Variants in PAXBP1 observed in about 807,000 individuals in gnomAD.
PAXBP1 encodes the protein PAX3 and PAX7 binding protein 1.
A neutral mutation model predicts 119.9 loss-of-function variants in PAXBP1; 44 were observed. The ratio of observed to expected loss-of-function variants is 0.37; its 90% CI spans 0.29 to 0.47. The LOEUF (loss-of-function observed/expected upper bound fraction) is 0.47. PAXBP1 is among the 20% of genes least tolerant of loss of function. PAXBP1 has a pLI of 0.99. For synonymous variants in PAXBP1, 393 were observed against 406.6 expected (o/e 0.97, Z 0.40); for missense variants, 898 against 1,134.1 (o/e 0.79, Z 2.99).
intron 17 of PAXBP1, 44 bp from the exon 18 acceptor site, chr21:32,735,111 T>A: frequency 1.5e-6 from 2 of 1,371,324 alleles, no homozygotes; most frequent in Non-Finnish European, 1.0e-6. Context: ...TTAGTATATC[T>A]AAGAGAAAAT....
intron 11 of PAXBP1, 76 bp downstream of exon 11, chr21:32,748,423 A>G (rs958793637): frequency 7.0e-7 from 1 of 1,438,846 alleles, no homozygotes; most frequent in Non-Finnish European, 9.5e-7. Flanking sequence ...GCTTAAGCTT[A>G]CATCTCTAGC....
rs1569151723 is a variant in PAXBP1 at position 32,734,750 on chromosome 21, GAAAACAT to G, written c.*193_*199del. On this transcript the variant is annotated 3_prime_UTR_variant, in exon 18 of 18. Coordinates refer to ENST00000331923, the MANE Select transcript of PAXBP1 (RefSeq NM_016631.4). Reference sequence around the variant, plus strand: ...TAAACAAAGTATGACAGGCAGTAAAGAAAACATTCATAGACTCCTAGAAATAATCTGA... The same window carrying G: ...TAAACAAAGTATGACAGGCAGTAAAGTCATAGACTCCTAGAAATAATCTGA... 5.1e-6 allele frequency: 3 copies of G among 586,862 alleles called. No individual in the cohort carries two copies. The highest frequency in any genetic ancestry group is 3.7e-5 in the African/African-American group (2 of 53,402). 36.4% of individuals were successfully genotyped at this position (586,862 alleles called of 1,614,324 possible).
chr21:32,771,707 ACCGCGGCC>A lies in PAXBP1; in HGVS notation c.-47_-40del. 7.5e-7 allele frequency: 1 copy of A among 1,341,972 alleles called. No individual in the cohort carries two copies. Among genetic ancestry groups the A allele is most frequent in the Non-Finnish European group, 9.6e-7 (1 of 1,045,748 alleles). 83.1% of individuals were successfully genotyped at this position (1,341,972 alleles called of 1,614,324 possible). On this transcript the variant is annotated 5_prime_UTR_variant, in exon 1 of 18. Transcript: ENST00000331923. ...ACGGCGGTCGAATACTCGCTTCCAC[ACCGCGGCC>A]CCGGCAGCGCCGAGCTCGTGACGGC...
chr21:32,763,686 T>A (rs1473682138), intron 3 of PAXBP1, among the ~76,000 whole-genome samples: 1 of 152,138 alleles, frequency 6.6e-6, no homozygotes, highest in African/African-American at 2.4e-5. Flanking sequence ...AGTGTGGACA[T>A]AAAACTAACA....
chr21:32,762,299 G>C lies in PAXBP1; in HGVS notation c.668C>G (p.Ala223Gly). 1.2e-6 allele frequency: 2 copies of C among 1,613,594 alleles called. No individual in the cohort carries two copies. The highest frequency in any genetic ancestry group is 2.7e-5 in the African/African-American group (2 of 75,000). ...CTTTTTCCTTGCAGCATGTATAAAA[G>C]CTGCATCTGGAATTTCTCCTAGAAA... ...VLRPGEIPDA[A>G]FIHAARKKRQ... is the part of the protein sequence containing the mutation. The change falls in exon 4 of 18, where the codon GCT becomes GGT. Residue 223 changes from alanine to glycine, a missense_variant. Transcript: ENST00000331923.
chr21:32,751,939 A>C (rs1035748469), intron 8 of PAXBP1: 3 of 152,268 alleles, frequency 2.0e-5, no homozygotes, highest in Admixed American at 2.0e-4. Context: ...TTCAAGAGAT[A>C]GTTCTTGTTC....
chr21:32,763,341 A>C (rs888889050), intron 3 of PAXBP1, among the ~76,000 whole-genome samples: 1 of 152,174 alleles, frequency 6.6e-6, no homozygotes, highest in Non-Finnish European at 1.5e-5. Flanking sequence ...TGCTCATTGC[A>C]AATGTTCCAA....
At chr21:32,745,058 G>A (rs2043852894) in intron 12 of PAXBP1, 145 bp from the exon 13 acceptor site, 2 of 870,960 alleles carry the variant, frequency 2.3e-6, no homozygotes, top group Non-Finnish European at 3.4e-6. Flanking sequence ...CCTATTAACT[G>A]TGGGAATTTG....
chr21:32,771,262 G>A (rs1208757007), intron 1 of PAXBP1, 64 bp downstream of exon 1: 4 of 1,420,056 alleles, frequency 2.8e-6, no homozygotes, highest in East Asian at 2.8e-5. Context: ...GAATACGGGG[G>A]CGGGGGACGG....
At chr21:32,759,313 G>T in intron 6 of PAXBP1, 44 bp from the exon 7 acceptor site, 1 of 1,556,380 alleles carries the variant, frequency 6.4e-7, no homozygotes, top group Non-Finnish European at 8.8e-7. Context: ...TACATCCAAA[G>T]GTCTATGGTG....
chr21:32,757,721 G>A (rs1156873182), intron 7 of PAXBP1, among the ~76,000 whole-genome samples: 1 of 152,152 alleles, frequency 6.6e-6, no homozygotes, highest in East Asian at 1.9e-4. Flanking sequence ...GCTCTCCAGG[G>A]ACAAACTCAT....
intron 13 of PAXBP1, 112 bp from the exon 14 acceptor site, chr21:32,743,866 T>G (rs1488050246): frequency 1.6e-6 from 1 of 633,568 alleles, no homozygotes. Context: ...GTTTCTCAAA[T>G]TTTTAATTTT....
rs764913979 is a variant in PAXBP1 at position 32,764,506 on chromosome 21, T to G, written c.491A>C (p.Lys164Thr). Reference sequence around the variant, plus strand: ...ATTTGTATCCTTAACATGTCCTGTTTTGTCCAAAGGTTGTTCACCTAAATT... The same window carrying G: ...ATTTGTATCCTTAACATGTCCTGTTGTGTCCAAAGGTTGTTCACCTAAATT... ...SSAESEQPLD[K>T]TGHVKDTNQE... is the part of the protein sequence containing the mutation. Residue 164 changes from lysine (K) to threonine (T), a missense_variant, in exon 3 of 18, where the codon AAA (lysine) becomes ACA (threonine). Physicochemically the swap from Lys to Thr is moderately conservative, Grantham distance 78. Coordinates refer to ENST00000331923, the MANE Select transcript of PAXBP1 (RefSeq NM_016631.4). The G allele has an allele frequency of 6.8e-6, 11 of 1,609,144 alleles. No homozygotes were observed. The South Asian group carries it at 1.2e-4, about 18-fold the overall frequency.
chr21:32,753,982 C>G (rs2044003600), intron 8 of PAXBP1, among the ~76,000 whole-genome samples: 1 of 152,150 alleles, frequency 6.6e-6, no homozygotes, highest in African/African-American at 2.4e-5. Context: ...CAAAAGTGAT[C>G]TGGGAGGGAT....
intron 5 of PAXBP1, among the ~76,000 whole-genome samples, 153 bp downstream of exon 5, chr21:32,760,906 T>TGCGTGCGTGC (rs1569165347): frequency 7.0e-6 from 1 of 142,200 alleles, no homozygotes; most frequent in Non-Finnish European, 1.6e-5. Context: ...TGCGTGCGTG[T>TGCGTGCGTGC]GTGTGTGTGT....
chr21:32,745,627 T>A lies in PAXBP1; in HGVS notation c.2015A>T (p.Asp672Val). 1 of 1,614,022 alleles carries A rather than the reference T, an allele frequency of 6.2e-7. No homozygotes were observed. Among genetic ancestry groups the A allele is most frequent in the Non-Finnish European group, 8.5e-7 (1 of 1,179,908 alleles). The change falls in exon 12 of 18, where the codon GAT becomes GTT. Residue 672 changes from aspartate to valine, a missense_variant. Around this residue, in one of 2 missense-constraint regions of PAXBP1, gnomAD observed 599 missense variants for 852.7 expected, o/e 0.70. Transcript: ENST00000331923. ...EEREQEKDDVDVALLPTIVEK... is the reference protein window; with the variant it reads ...EEREQEKDDVVVALLPTIVEK... ...CACAATGGTAGGTAGTAGGGCAACA[T>A]CTACATCATCTTTTTCTTGCTCTCG...
At position 32,738,339 on chromosome 21, in the gene PAXBP1, T is replaced by C; in HGVS notation, c.2335-20A>G. On this transcript the variant is annotated intron_variant, in intron 15 of 17. Coordinates refer to ENST00000331923, the MANE Select transcript of PAXBP1 (RefSeq NM_016631.4). ...TAACAGCTGGAAAGAAGAAAAAAAA[T>C]AGGTAATGTGAAACAATTAGATTAG... 1.3e-6 allele frequency: 2 copies of C among 1,563,458 alleles called. No homozygotes were observed. Among genetic ancestry groups the C allele is most frequent in the Non-Finnish European group, 1.7e-6 (2 of 1,160,510 alleles).
chr21:32,760,399 G>A (rs1283216751), intron 5 of PAXBP1, among the ~76,000 whole-genome samples: 1 of 152,086 alleles, frequency 6.6e-6, no homozygotes, highest in African/African-American at 2.4e-5. Context: ...CCAAATGTAT[G>A]CGAATTCTGC....
chr21:32,742,106 G>C (rs1323727690), intron 15 of PAXBP1, among the ~76,000 whole-genome samples: 1 of 152,176 alleles, frequency 6.6e-6, no homozygotes, highest in African/African-American at 2.4e-5. Context: ...GACTACAAAA[G>C]AGAATGGGGA....
Sources: allele counts gnomAD v4.1 joint callset (sites outside exome capture counted in the v4.1 genomes callset), GRCh38; gene constraint gnomAD v4.1.1; regional missense constraint gnomAD v4.1.1; transcripts MANE v1.5; gene names NCBI Gene and HGNC (gene_info 2026-07-23, HGNC 2026-07-21).